Variants in SOS1 observed in about 807,000 individuals in gnomAD.
SOS1 encodes the protein son of sevenless homolog 1.
A neutral mutation model predicts 157.6 loss-of-function variants in SOS1; 25 were observed. The observed-to-expected ratio is 0.16, with a 90% confidence interval of 0.12 to 0.22. The LOEUF is 0.22. Ranked by LOEUF, SOS1 falls within the 10% of genes least tolerant of loss-of-function variation. The pLI, the probability that SOS1 is intolerant of heterozygous loss-of-function variation, is 1.00. For missense variants in SOS1, 1,237 were observed against 1,599.1 expected, an observed-to-expected ratio of 0.77 and a Z score of 3.86; for synonymous variants, 528 against 534.0, an observed-to-expected ratio of 0.99 and a Z score of 0.16.
intron 6 of SOS1, among the ~76,000 whole-genome samples, chr2:39,045,287 T>TGTGTGTGG (rs1670739377): frequency 6.6e-6 from 1 of 151,016 alleles, no homozygotes; most frequent in Non-Finnish European, 1.5e-5. Flanking sequence ...TGTGTGTGTG[T>TGTGTGTGG]GTGTGTGTGT....
At chr2:39,010,239 C>A (rs1669416638) in intron 15 of SOS1, among the ~76,000 whole-genome samples, 1 of 151,702 alleles carries the variant, frequency 6.6e-6, no homozygotes, top group South Asian at 2.1e-4. Flanking sequence ...TTGCTTGAAC[C>A]CGGAAGGTGG....
intron 1 of SOS1, among the ~76,000 whole-genome samples, chr2:39,077,334 A>G (rs1011967833): frequency 4.8e-5 from 7 of 145,696 alleles, no homozygotes; most frequent in South Asian, 2.2e-4. Context: ...AAAAAAAAAA[A>G]GAAAGAAAAT....
At chr2:39,007,370 A>T in intron 15 of SOS1, 177 bp from the exon 16 acceptor site, 1 of 603,210 alleles carries the variant, frequency 1.7e-6, no homozygotes, top group South Asian at 2.0e-5. Context: ...CCAGTCAGGC[A>T]TACTGCTCTT....
At chr2:39,113,014 C>T (rs1308829084) in intron 1 of SOS1, among the ~76,000 whole-genome samples, 2 of 149,118 alleles carry the variant, frequency 1.3e-5, no homozygotes, top group Non-Finnish European at 3.0e-5. Context: ...CCAGCCTGGG[C>T]GACAAGAGCA....
Position 39,120,986 on chromosome 2 carries a change from G to A in SOS1, c.-564C>T, listed in dbSNP as rs1572907746. On this transcript the variant is annotated 5_prime_UTR_variant, in exon 1 of 23. Transcript: ENST00000402219. The stretch of plus-strand genomic sequence containing the variant: ...GCCCTGAGGTGCCGCCGCGGCCGCC[G>A]CCGCCACCGCCGCCGCCGGTGTAGC... 5.7e-6 allele frequency: 1 copy of A among 175,786 alleles called. No homozygotes were observed. Among genetic ancestry groups the A allele is most frequent in the Non-Finnish European group, 1.2e-5 (1 of 86,008 alleles). 10.9% of individuals were successfully genotyped at this position (175,786 alleles called of 1,614,324 possible).
intron 10 of SOS1, 137 bp downstream of exon 10, chr2:39,022,433 T>G: frequency 1.5e-6 from 1 of 682,646 alleles, no homozygotes; most frequent in Non-Finnish European, 2.6e-6. Context: ...AAATATAAAG[T>G]GGGGTATTTT....
intron 1 of SOS1, among the ~76,000 whole-genome samples, chr2:39,105,600 A>G (rs1248360797): frequency 6.6e-6 from 1 of 152,182 alleles, no homozygotes. Flanking sequence ...AATTTGGTAA[A>G]TAAAATCAAA....
At chr2:39,011,103 GC>G (rs1490381982) in intron 14 of SOS1, among the ~76,000 whole-genome samples, 2 of 151,976 alleles carry the variant, frequency 1.3e-5, no homozygotes, top group African/African-American at 4.8e-5. Context: ...CACCATGTTG[GC>G]CAGGCTGGTC....
Position 38,985,999 on chromosome 2 carries a change from G to A in SOS1, c.3827C>T (p.Pro1276Leu), listed in dbSNP as rs2124454623. 6.2e-7 allele frequency: 1 copy of A among 1,613,984 alleles called. No homozygotes were observed. The highest frequency in any genetic ancestry group is 8.5e-7 in the Non-Finnish European group (1 of 1,179,900). The change falls in exon 23 of 23, where the codon CCA becomes CTA. Residue 1276 changes from proline to leucine, a missense_variant. This residue lies in a region of SOS1 where 306 missense variants were observed against 322.6 expected (regional missense o/e 0.95). Transcript: ENST00000402219. ...PHGTRRHLPS[P>L]PLTQEVDLHS... ...AAGGTCCACTTCTTGTGTCAATGGT[G>A]GTGATGGCAGATGCCTTCTTGTGCC...
At chr2:38,995,030 C>T (rs1668845405) in intron 20 of SOS1, 93 bp downstream of exon 20, 1 of 1,035,524 alleles carries the variant, frequency 9.7e-7, no homozygotes, top group Non-Finnish European at 1.5e-6. Context: ...ACTACAAGTT[C>T]ACACATACAA....
intron 5 of SOS1, among the ~76,000 whole-genome samples, chr2:39,052,374 T>A (rs1418990060): frequency 6.6e-6 from 1 of 152,222 alleles, no homozygotes; most frequent in African/African-American, 2.4e-5. Flanking sequence ...TGAGATTTTG[T>A]GTAGTTATTC....
At chr2:39,004,099 G>T (rs757816537) in intron 17 of SOS1, among the ~76,000 whole-genome samples, 7 of 152,150 alleles carry the variant, frequency 4.6e-5, no homozygotes, top group Non-Finnish European at 1.0e-4. Flanking sequence ...TAGGAAGTCA[G>T]TGAGATACAA....
chr2:39,065,001 G>A (rs768754743), intron 2 of SOS1, among the ~76,000 whole-genome samples: 63 of 151,136 alleles, frequency 4.2e-4, no homozygotes, highest in African/African-American at 4.4e-4. Flanking sequence ...TAGGTTATCC[G>A]CCTGCTTTGG....
chr2:39,081,029 A>C (rs1377490089), intron 1 of SOS1, among the ~76,000 whole-genome samples: 2 of 151,794 alleles, frequency 1.3e-5, no homozygotes, highest in African/African-American at 4.8e-5. Flanking sequence ...CTCCAAAAAA[A>C]AAATAATAAA....
At chr2:39,055,611 C>T (rs1223297482) in intron 4 of SOS1, among the ~76,000 whole-genome samples, 2 of 152,090 alleles carry the variant, frequency 1.3e-5, no homozygotes, top group Non-Finnish European at 2.9e-5. Context: ...TATATGGCCA[C>T]ATTCTCAAAG....
chr2:39,113,064 T>C (rs1285309514), intron 1 of SOS1, among the ~76,000 whole-genome samples: 1 of 149,802 alleles, frequency 6.7e-6, no homozygotes, highest in African/African-American at 2.5e-5. Context: ...GAAAAGAAAA[T>C]AGAAGTGATT....
At position 39,045,273 on chromosome 2, in the gene SOS1, A is replaced by AGAGAGAGAGT. The variant is rs138343013; in HGVS notation, c.864+5870_864+5871insACTCTCTCTC. 6.5e-4 allele frequency among the ~76,000 whole-genome samples: 70 copies of AGAGAGAGAGT among 108,094 alleles called. 1 individual carries two copies. In the East Asian group the frequency reaches 0.01, roughly 16 times the overall value. 70.9% of individuals were successfully genotyped at this position (108,094 alleles called of 152,430 possible). ...GAGAGAGAGAGAGAGAGAGAGAGAGAGTGTGTGTGTGTGTGTGTGTGTGTG... is the reference window on the plus strand; with the variant it reads ...GAGAGAGAGAGAGAGAGAGAGAGAGAGAGAGAGAGTGTGTGTGTGTGTGTGTGTGTGTGTG... On this transcript the variant is annotated intron_variant, in intron 6 of 22. Coordinates refer to ENST00000402219, the MANE Select transcript of SOS1 (RefSeq NM_005633.4).
intron 21 of SOS1, among the ~76,000 whole-genome samples, chr2:38,988,105 G>A (rs1222364166): frequency 6.6e-6 from 1 of 152,170 alleles, no homozygotes; most frequent in Non-Finnish European, 1.5e-5. Context: ...AAGAATCATA[G>A]TGTCTAGGTG....
At chr2:39,080,721 C>G (rs1672170997) in intron 1 of SOS1, among the ~76,000 whole-genome samples, 1 of 151,516 alleles carries the variant, frequency 6.6e-6, no homozygotes, top group Admixed American at 6.6e-5. Flanking sequence ...GGTATTTAGG[C>G]ATATGAGATT....
Sources: gnomAD v4.1 joint callset for allele counts (sites outside exome capture counted in the v4.1 genomes callset) on GRCh38, gnomAD v4.1.1 for gene constraint, gnomAD v4.1.1 regional missense constraint, MANE v1.5 for transcripts, NCBI Gene and HGNC (gene_info 2026-07-23, HGNC 2026-07-21) for gene names.